Variants in POPDC3 observed in about 807,000 individuals in gnomAD.
POPDC3 encodes the protein popeye domain cAMP effector 3.
Under a neutral mutation model 28.2 loss-of-function variants are expected in POPDC3, and 20 were observed. That is an observed-to-expected ratio of 0.71 (90% CI 0.50 to 1.03). The LOEUF (loss-of-function observed/expected upper bound fraction) is 1.03, where lower values mean the gene tolerates loss of function less well. Ranked by LOEUF, POPDC3 falls within the 50% of genes least tolerant of loss-of-function variation. POPDC3 has a pLI of 0.00. For synonymous variants in POPDC3, 118 were observed against 124.1 expected (o/e 0.95, Z 0.33); for missense variants, 316 against 345.9 (o/e 0.91, Z 0.69).
intron 1 of POPDC3, among the ~76,000 whole-genome samples, chr6:105,175,149 A>G (rs2114548666): frequency 6.6e-6 from 1 of 152,208 alleles, no homozygotes; most frequent in Non-Finnish European, 1.5e-5. Flanking sequence ...CATGGGCAAC[A>G]GAGCAAGACT....
At chr6:105,166,930 G>A (rs1488586130) in intron 1 of POPDC3, among the ~76,000 whole-genome samples, 1 of 151,644 alleles carries the variant, frequency 6.6e-6, no homozygotes, top group African/African-American at 2.4e-5. Context: ...CATTGTGTGT[G>A]TGTATATATA....
At chr6:105,173,244 G>A (rs892330641) in intron 1 of POPDC3, among the ~76,000 whole-genome samples, 3 of 152,122 alleles carry the variant, frequency 2.0e-5, no homozygotes, top group African/African-American at 7.2e-5. Flanking sequence ...CAGAAAATAA[G>A]CTGAGATTCC....
chr6:105,161,020 T>G (rs969830160), intron 2 of POPDC3, among the ~76,000 whole-genome samples: 5 of 152,186 alleles, frequency 3.3e-5, no homozygotes, highest in African/African-American at 4.8e-5. Context: ...AAGATAATAA[T>G]AAAATTTAAA....
chr6:105,178,772 T>C (rs1016428170), intron 1 of POPDC3: 1 of 985,136 alleles, frequency 1.0e-6, no homozygotes, highest in African/African-American at 1.7e-5. Context: ...TGCCAAGTTA[T>C]TGTACTCTCA....
chr6:105,160,494 G>A (rs1017403435), intron 2 of POPDC3, among the ~76,000 whole-genome samples: 2 of 151,908 alleles, frequency 1.3e-5, no homozygotes, highest in East Asian at 3.9e-4. Context: ...GATTACAGGC[G>A]TGAGCCACCG....
intron 1 of POPDC3, chr6:105,179,242 C>A: frequency 7.1e-6 from 7 of 985,342 alleles, no homozygotes; most frequent in Non-Finnish European, 7.2e-6. Context: ...GAAAACAGGT[C>A]CGCGCGACCT....
chr6:105,172,779 T>C (rs1204725173), intron 1 of POPDC3, among the ~76,000 whole-genome samples: 7 of 148,766 alleles, frequency 4.7e-5, no homozygotes, highest in East Asian at 2.0e-4. Flanking sequence ...AGCAAACTAT[T>C]GCAAGGACAA....
At position 105,158,725 on chromosome 6, in the gene POPDC3, ACAAT is replaced by A. The variant is rs1418331513; in HGVS notation, c.617_620del (p.Asp206ValfsTer28). On this transcript the variant is annotated frameshift_variant, in exon 4 of 4. Transcript: ENST00000254765. LOFTEE classifies it high-confidence loss of function. The stretch of plus-strand genomic sequence containing the variant: ...TCTTTCTCCTCCAAGACACATATCG[ACAAT>A]CAGTTTCTGCAGTGAGGGTTACCTA... The A allele has an allele frequency of 6.2e-7, 1 of 1,613,302 alleles. No homozygotes were observed. The highest frequency in any genetic ancestry group is 1.1e-5 in the South Asian group (1 of 91,018).
rs1320262992 is a variant in POPDC3 at position 105,158,428 on chromosome 6, G to C, written c.*42C>G. 6.7e-7 allele frequency: 1 copy of C among 1,499,760 alleles called. No individual in the cohort carries two copies. Among genetic ancestry groups the C allele is most frequent in the Non-Finnish European group, 9.0e-7 (1 of 1,111,694 alleles). The allele number at this position is 1,499,760 out of a possible 1,614,324, so 92.9% of individuals were successfully genotyped here. On this transcript the variant is annotated 3_prime_UTR_variant, in exon 4 of 4. Transcript: ENST00000254765. ...TGCTATTTCACTGGGGAATGATGAA[G>C]AGAGAGTCTTTTTTTATACTTATAA...
chr6:105,165,900 G>A (rs999776044), intron 1 of POPDC3, among the ~76,000 whole-genome samples: 7 of 152,012 alleles, frequency 4.6e-5, no homozygotes, highest in African/African-American at 9.7e-5. Flanking sequence ...TAGTTTTTTT[G>A]ACTTGTCCTT....
At chr6:105,166,868 TTGTG>T (rs5878839) in intron 1 of POPDC3, among the ~76,000 whole-genome samples, 189 of 148,384 alleles carry the variant, frequency 1.3e-3, no homozygotes, top group Middle Eastern at 3.5e-3. Context: ...ACATAGATGG[TTGTG>T]TGTGTGTGTG....
intron 1 of POPDC3, among the ~76,000 whole-genome samples, chr6:105,171,567 A>T (rs1300791227): frequency 1.3e-5 from 2 of 152,062 alleles, no homozygotes; most frequent in African/African-American, 4.8e-5. Context: ...GCTACCCAGG[A>T]GGCTGAGGCA....
intron 1 of POPDC3, chr6:105,178,663 CTCT>C (rs1774726414): frequency 2.3e-6 from 2 of 885,032 alleles, no homozygotes; most frequent in African/African-American, 1.8e-5. Flanking sequence ...TCAGCCAGAG[CTCT>C]TCATTTTGCG....
At chr6:105,174,282 GC>G (rs968319272) in intron 1 of POPDC3, among the ~76,000 whole-genome samples, 8 of 152,110 alleles carry the variant, frequency 5.3e-5, no homozygotes, top group African/African-American at 1.9e-4. Context: ...CAAGTGATCC[GC>G]CCGCCTTGAC....
intron 1 of POPDC3, among the ~76,000 whole-genome samples, chr6:105,164,807 A>G (rs943877397): frequency 2.6e-5 from 4 of 152,240 alleles, no homozygotes; most frequent in Non-Finnish European, 5.9e-5. Flanking sequence ...CAAATGATGA[A>G]GACAAACTTA....
chr6:105,170,839 A>T (rs985957478), intron 1 of POPDC3, among the ~76,000 whole-genome samples: 2 of 152,240 alleles, frequency 1.3e-5, no homozygotes, highest in Admixed American at 1.3e-4. Context: ...GCACAGTTAC[A>T]TCTATCTATC....
intron 1 of POPDC3, among the ~76,000 whole-genome samples, chr6:105,179,615 G>GCCGGGACCCCAGAC (rs2114553313): frequency 6.6e-6 from 1 of 152,274 alleles, no homozygotes; most frequent in East Asian, 1.9e-4. Flanking sequence ...CGGCGACACA[G>GCCGGGACCCCAGAC]CCGGGACCCC....
chr6:105,165,948 T>C (rs1774446842), intron 1 of POPDC3, among the ~76,000 whole-genome samples: 1 of 152,224 alleles, frequency 6.6e-6, no homozygotes, highest in African/African-American at 2.4e-5. Flanking sequence ...GTGCCAGGCA[T>C]ATTTTTAAAA....
intron 1 of POPDC3, among the ~76,000 whole-genome samples, chr6:105,170,176 C>A (rs1774548454): frequency 6.6e-6 from 1 of 152,154 alleles, no homozygotes; most frequent in East Asian, 1.9e-4. Flanking sequence ...TGCTCAAGTT[C>A]TTCTGATTTC....
Sources: allele counts gnomAD v4.1 joint callset (sites outside exome capture counted in the v4.1 genomes callset), GRCh38; gene constraint gnomAD v4.1.1; transcripts MANE v1.5; gene names NCBI Gene and HGNC (gene_info 2026-07-23, HGNC 2026-07-21).